SGCZ: variants seen among roughly 807,000 people sequenced by gnomAD.
SGCZ encodes sarcoglycan zeta.
In SGCZ, 40 loss-of-function variants were observed where a neutral mutation model predicts 41.3. The ratio of observed to expected loss-of-function variants is 0.97; its 90% CI spans 0.75 to 1.26. The LOEUF (loss-of-function observed/expected upper bound fraction) is 1.26, where lower values mean the gene tolerates loss of function less well. SGCZ is among the 50% of genes most tolerant of loss of function. SGCZ has a pLI of 0.00. For missense variants in SGCZ, 552 were observed against 369.8 expected (o/e 1.49, Z -4.04); for synonymous variants, 206 against 137.5 (o/e 1.50, Z -3.49).
intron 5 of SGCZ, among the ~76,000 whole-genome samples, chr8:14,160,427 A>G (rs1402559536): frequency 6.6e-6 from 1 of 152,218 alleles, no homozygotes; most frequent in Non-Finnish European, 1.5e-5. Flanking sequence ...ACTAGGTCTC[A>G]AAAGATAATT....
intron 4 of SGCZ, among the ~76,000 whole-genome samples, chr8:14,213,205 G>C (rs988159006): frequency 2.6e-4 from 36 of 139,826 alleles, no homozygotes; most frequent in African/African-American, 8.5e-4. Context: ...GTAGATTTAA[G>C]AAGCTGAAAG....
intron 1 of SGCZ, among the ~76,000 whole-genome samples, chr8:14,641,584 T>C (rs879860267): frequency 6.6e-5 from 10 of 151,644 alleles, no homozygotes; most frequent in African/African-American, 9.7e-5. Flanking sequence ...AACAACATAT[T>C]ATATTTAAAG....
At chr8:14,509,018 C>A (rs758749039) in intron 2 of SGCZ, among the ~76,000 whole-genome samples, 9 of 152,046 alleles carry the variant, frequency 5.9e-5, no homozygotes, top group Non-Finnish European at 1.2e-4. Context: ...GTGTTAATAT[C>A]GAACTTTCAA....
intron 7 of SGCZ, among the ~76,000 whole-genome samples, chr8:14,091,033 G>T (rs1801674202): frequency 6.6e-6 from 1 of 151,944 alleles, no homozygotes; most frequent in Non-Finnish European, 1.5e-5. Context: ...TCCCTGCCCT[G>T]TGTCCATGTG....
chr8:14,747,705 T>TTGTGTGTGTGTGTG, intron 1 of SGCZ, among the ~76,000 whole-genome samples: 1 of 136,614 alleles, frequency 7.3e-6, no homozygotes, highest in African/African-American at 2.8e-5. Context: ...GTGTGTGTAT[T>TTGTGTGTGTGTGTG]TGTGTGTGTG....
intron 5 of SGCZ, among the ~76,000 whole-genome samples, chr8:14,132,692 C>CATTT (rs1413504671): frequency 6.6e-6 from 1 of 151,948 alleles, no homozygotes; most frequent in Non-Finnish European, 1.5e-5. Context: ...GGTTTCTGTC[C>CATTT]ATTTATCTTG....
intron 1 of SGCZ, among the ~76,000 whole-genome samples, chr8:14,730,346 T>C (rs1405887753): frequency 6.6e-6 from 1 of 152,152 alleles, no homozygotes; most frequent in Non-Finnish European, 1.5e-5. Context: ...TACATTTGTA[T>C]GTATACTGGG....
chr8:15,167,573 C>T (rs268406), intron 1 of SGCZ, among the ~76,000 whole-genome samples: 1 of 152,032 alleles, frequency 6.6e-6, no homozygotes, highest in Non-Finnish European at 1.5e-5. Context: ...CAAAAGGCCT[C>T]TGCAGAAATA....
chr8:14,625,536 G>A (rs1806426438), intron 1 of SGCZ, among the ~76,000 whole-genome samples: 1 of 152,110 alleles, frequency 6.6e-6, no homozygotes, highest in Non-Finnish European at 1.5e-5. Flanking sequence ...ATACCTAGAG[G>A]ACATTTATCA....
At chr8:14,092,165 C>A (rs528872973) in intron 7 of SGCZ, among the ~76,000 whole-genome samples, 1 of 152,052 alleles carries the variant, frequency 6.6e-6, no homozygotes, top group South Asian at 2.1e-4. Context: ...CTGTTCTGTT[C>A]CATTGGTCTA....
At chr8:14,451,955 C>T (rs1005496727) in intron 2 of SGCZ, among the ~76,000 whole-genome samples, 3 of 152,140 alleles carry the variant, frequency 2.0e-5, no homozygotes, top group East Asian at 3.9e-4. Context: ...AGTCAGTTTA[C>T]GATCCAGCAA....
intron 1 of SGCZ, among the ~76,000 whole-genome samples, chr8:14,808,217 C>A (rs1801614918): frequency 6.6e-6 from 1 of 152,220 alleles, no homozygotes; most frequent in South Asian, 2.1e-4. Context: ...CAACAAAAGA[C>A]AAAATTGACA....
At chr8:14,434,812 C>G (rs1800042341) in intron 2 of SGCZ, among the ~76,000 whole-genome samples, 2 of 151,942 alleles carry the variant, frequency 1.3e-5, no homozygotes, top group Non-Finnish European at 2.9e-5. Context: ...GCCTGCAGTC[C>G]CAGCTACTAT....
chr8:14,355,363 G>A (rs1465849577), intron 2 of SGCZ, among the ~76,000 whole-genome samples: 4 of 152,032 alleles, frequency 2.6e-5, no homozygotes, highest in Admixed American at 6.6e-5. Context: ...GTCAACAGTA[G>A]TAGCTAGATT....
intron 4 of SGCZ, among the ~76,000 whole-genome samples, chr8:14,216,523 G>A (rs1158932530): frequency 1.3e-5 from 2 of 152,066 alleles, no homozygotes; most frequent in Non-Finnish European, 2.9e-5. Flanking sequence ...TTTCAACAAC[G>A]TATTAGGAAA....
At chr8:15,071,478 T>A (rs573899250) in intron 1 of SGCZ, among the ~76,000 whole-genome samples, 1 of 152,314 alleles carries the variant, frequency 6.6e-6, no homozygotes, top group East Asian at 1.9e-4. Context: ...TCCTGTGTAA[T>A]TTGATTCAAA....
chr8:14,622,704 C>A (rs577261932), intron 1 of SGCZ, among the ~76,000 whole-genome samples: 13 of 152,134 alleles, frequency 8.5e-5, no homozygotes, highest in Non-Finnish European at 1.5e-5. Context: ...TTAAGGATGA[C>A]ACAATGACAT....
intron 1 of SGCZ, among the ~76,000 whole-genome samples, chr8:14,959,830 GT>G (rs1268037934): frequency 6.6e-6 from 1 of 152,096 alleles, no homozygotes; most frequent in African/African-American, 2.4e-5. Flanking sequence ...TCACTATCTT[GT>G]TTTTAGAAAA....
intron 1 of SGCZ, among the ~76,000 whole-genome samples, chr8:14,690,184 T>C (rs572669123): frequency 6.6e-6 from 1 of 151,778 alleles, no homozygotes; most frequent in Non-Finnish European, 1.5e-5. Flanking sequence ...GTGTATAGGA[T>C]ACTACAGGAA....
Sources: gnomAD v4.1 joint callset for allele counts (sites outside exome capture counted in the v4.1 genomes callset) on GRCh38, gnomAD v4.1.1 for gene constraint, MANE v1.5 for transcripts, NCBI Gene and HGNC (gene_info 2026-07-23, HGNC 2026-07-21) for gene names.